The following XKR9 variants were observed in gnomAD, a reference collection of about 807,000 sequenced individuals.
The protein encoded by XKR9 is XK related 9.
A neutral mutation model predicts 32.0 loss-of-function variants in XKR9; 32 were observed. That is an observed-to-expected ratio of 1.00 (90% confidence interval 0.76 to 1.34). The LOEUF is 1.34. Among genes scored for constraint, XKR9 ranks in the 40% most tolerant of loss-of-function variants. The pLI is 0.00. For synonymous variants in XKR9, 168 were observed against 143.4 expected (o/e 1.17, Z -1.22); for missense variants, 546 against 429.7 (o/e 1.27, Z -2.39).
chr8:70,798,587 T>TGCAATCGCTTTTGAGGTTTTTGTC, the XKR9 span, among the ~76,000 whole-genome samples: 1 of 152,242 alleles, frequency 6.6e-6, no homozygotes, highest in Non-Finnish European at 1.5e-5. Context: ...TTGTTTTTGT[T>TGCAATCGCTTTTGAGGTTTTTGTC]GCAATCGCTT....
At chr8:70,788,271 G>A (rs760620796) in intron 2 of XKR9, among the ~76,000 whole-genome samples, 13 of 152,094 alleles carry the variant, frequency 8.5e-5, no homozygotes, top group African/African-American at 2.9e-4. Flanking sequence ...ATGTTATTAA[G>A]TGTTAGTTGT....
chr8:70,724,191 A>T (rs1806380630), intron 4 of XKR9, among the ~76,000 whole-genome samples: 1 of 152,120 alleles, frequency 6.6e-6, no homozygotes, highest in Non-Finnish European at 1.5e-5. Flanking sequence ...GTCAGGGGAA[A>T]GCCGCCTACT....
At chr8:70,961,185 C>T in the XKR9 span, among the ~76,000 whole-genome samples, 43 of 151,948 alleles carry the variant, frequency 2.8e-4, 1 homozygote, top group African/African-American at 1.0e-3. Flanking sequence ...AAAACAAAGA[C>T]AAAAAAACAA....
chr8:70,975,943 G>A, the XKR9 span, among the ~76,000 whole-genome samples: 1 of 152,104 alleles, frequency 6.6e-6, no homozygotes, highest in Non-Finnish European at 1.5e-5. Context: ...AGTTCTCCTT[G>A]AAGAGGTCCT....
the XKR9 span, among the ~76,000 whole-genome samples, chr8:70,895,360 A>G: frequency 1.3e-5 from 2 of 151,902 alleles, no homozygotes; most frequent in African/African-American, 4.8e-5. Context: ...CTGTTTATTC[A>G]TTGTTCTGGA....
At chr8:70,781,851 A>G (rs958002881) in intron 2 of XKR9, among the ~76,000 whole-genome samples, 3 of 152,222 alleles carry the variant, frequency 2.0e-5, no homozygotes, top group East Asian at 1.9e-4. Flanking sequence ...GATTAGTTCC[A>G]TAAAATATTT....
the XKR9 span, among the ~76,000 whole-genome samples, chr8:70,978,142 T>A: frequency 6.6e-6 from 1 of 152,286 alleles, no homozygotes; most frequent in South Asian, 2.1e-4. Context: ...GCACGTGAGA[T>A]GGGTCTCCTG....
At chr8:70,785,348 G>A (rs1293157443) in intron 2 of XKR9, among the ~76,000 whole-genome samples, 3 of 151,786 alleles carry the variant, frequency 2.0e-5, no homozygotes, top group African/African-American at 7.3e-5. Context: ...GATATCAGTT[G>A]TAATGTCTCC....
the XKR9 span, among the ~76,000 whole-genome samples, chr8:70,854,676 A>T: frequency 1.5e-4 from 23 of 152,242 alleles, no homozygotes; most frequent in South Asian, 3.5e-3. Context: ...TAAGTCTTTA[A>T]TCCATCTTGA....
At chr8:70,974,544 C>T in the XKR9 span, among the ~76,000 whole-genome samples, 48,453 of 152,050 alleles carry the variant, frequency 0.32, 9,052 homozygotes, top group Non-Finnish European at 0.43. Flanking sequence ...TTGCCAGCTT[C>T]GTCCATGTCC....
the XKR9 span, among the ~76,000 whole-genome samples, chr8:70,976,193 G>T: frequency 6.6e-6 from 1 of 152,034 alleles, no homozygotes; most frequent in East Asian, 1.9e-4. Flanking sequence ...TGCAGAGAGG[G>T]ACAATTTGAC....
chr8:70,964,154 G>A, the XKR9 span, among the ~76,000 whole-genome samples: 1 of 152,020 alleles, frequency 6.6e-6, no homozygotes, highest in Non-Finnish European at 1.5e-5. Context: ...TAAGGTATAA[G>A]AATGGGGATC....
chr8:71,058,178 C>A, the XKR9 span, among the ~76,000 whole-genome samples: 17 of 149,254 alleles, frequency 1.1e-4, no homozygotes, highest in South Asian at 2.1e-4. Flanking sequence ...GACTCCGTCT[C>A]AAAAAAAAAA....
At chr8:70,880,310 A>G in the XKR9 span, among the ~76,000 whole-genome samples, 7 of 152,210 alleles carry the variant, frequency 4.6e-5, no homozygotes, top group African/African-American at 1.4e-4. Flanking sequence ...AGGGTATTCA[A>G]TTGGAAATGA....
chr8:70,836,599 C>G, the XKR9 span, among the ~76,000 whole-genome samples: 6 of 151,786 alleles, frequency 4.0e-5, no homozygotes, highest in Non-Finnish European at 8.8e-5. Flanking sequence ...AAAATCCATT[C>G]TATTGATTGA....
At chr8:70,675,565 A>G (rs1200259272) in intron 2 of XKR9, among the ~76,000 whole-genome samples, 2 of 152,204 alleles carry the variant, frequency 1.3e-5, no homozygotes, top group East Asian at 3.8e-4. Context: ...ACATCTGGGC[A>G]TAGGTTGTTA....
At chr8:70,699,611 TA>T (rs1805437464) in intron 3 of XKR9, among the ~76,000 whole-genome samples, 2 of 152,210 alleles carry the variant, frequency 1.3e-5, no homozygotes, top group Admixed American at 6.5e-5. Context: ...TGGCTGCTCT[TA>T]ACATTTTTAC....
the XKR9 span, among the ~76,000 whole-genome samples, chr8:70,986,711 C>T: frequency 6.6e-6 from 1 of 152,216 alleles, no homozygotes; most frequent in Non-Finnish European, 1.5e-5. Flanking sequence ...ATTTTTAAAA[C>T]ACTTCTTACT....
intron 4 of XKR9, among the ~76,000 whole-genome samples, chr8:70,728,237 A>G (rs1206818777): frequency 1.3e-5 from 2 of 152,166 alleles, no homozygotes; most frequent in African/African-American, 2.4e-5. Flanking sequence ...GGTGGTTTCA[A>G]TCCCTCTCTT....
Sources: gnomAD v4.1 joint callset for allele counts (sites outside exome capture counted in the v4.1 genomes callset) on GRCh38, gnomAD v4.1.1 for gene constraint, MANE v1.5 for transcripts, NCBI Gene and HGNC (gene_info 2026-07-23, HGNC 2026-07-21) for gene names.